The following MDC1 variants were observed in gnomAD, a reference collection of about 807,000 sequenced individuals.
The protein encoded by MDC1 is mediator of DNA damage checkpoint 1.
In MDC1, 81 loss-of-function variants were observed where a neutral mutation model predicts 142.5. The observed-to-expected ratio is 0.57, with a 90% confidence interval of 0.47 to 0.68. MDC1 has a LOEUF of 0.68. Among genes scored for constraint, MDC1 ranks in the 30% least tolerant of loss-of-function variants. The pLI is 0.00. For missense variants in MDC1, 2,119 were observed against 2,547.9 expected (o/e 0.83, Z 3.62); for synonymous variants, 797 against 968.4 (o/e 0.82, Z 3.29).
chr6:30,702,156 G>A (rs1224552308), intron 14 of MDC1, among the ~76,000 whole-genome samples: 2 of 150,786 alleles, frequency 1.3e-5, no homozygotes, highest in Non-Finnish European at 1.5e-5. Flanking sequence ...CCAGCTACTC[G>A]GGAGGCTGAG....
intron 1 of MDC1, chr6:30,717,005 C>CTTTGAATTGGAGCCAAG: frequency 1.4e-6 from 1 of 733,802 alleles, no homozygotes; most frequent in Non-Finnish European, 1.7e-6. Flanking sequence ...ACGCTTGGCT[C>CTTTGAATTGGAGCCAAG]CAATTCAAAG....
rs1459774469 is a variant in MDC1 at position 30,713,701 on chromosome 6, C to T, written c.534G>A (p.Arg178=). 6.2e-7 allele frequency: 1 copy of T among 1,614,026 alleles called. No individual in the cohort carries two copies. Among genetic ancestry groups the T allele is most frequent in the East Asian group, 2.2e-5 (1 of 44,898 alleles). ...TGGTCCTTGATTTTTTTACCATACG[C>T]CTTTCAGAAAGAAAATCTGTCAAGA... The part of the protein sequence containing the change: ...SEEEVDFLSE[R]RMVKKSRTTS... Residue 178 remains arginine (R), a synonymous_variant, in exon 4 of 15, where the codon AGG becomes AGA. Coordinates refer to ENST00000376406, the MANE Select transcript of MDC1 (RefSeq NM_014641.3). The surrounding 1 kb of genome is among the most constrained non-coding windows in gnomAD (Gnocchi z 4.9).
intron 14 of MDC1, among the ~76,000 whole-genome samples, chr6:30,701,554 G>A (rs1457662199): frequency 1.3e-5 from 2 of 152,158 alleles, no homozygotes; most frequent in East Asian, 3.8e-4. Context: ...ACATTCTAAA[G>A]GACAAGTGAC....
chr6:30,702,352 C>T (rs974626664), intron 14 of MDC1, among the ~76,000 whole-genome samples: 2 of 151,354 alleles, frequency 1.3e-5, no homozygotes, highest in African/African-American at 2.4e-5. Context: ...TGCTGAATCT[C>T]GGTGATTGTT....
chr6:30,708,509 T>A (rs114498634), intron 7 of MDC1, 152 bp from the exon 8 acceptor site: 12,042 of 676,104 alleles, frequency 0.018, 206 homozygotes, highest in South Asian at 0.052. Context: ...TTATTAAAGG[T>A]AAGCTGGGAA....
Position 30,712,200 on chromosome 6 carries a change from G to GC in MDC1, c.1741dup (p.Ala581GlyfsTer36). ...GGCTGTTAGGGAGGTGCCCTCCTCT[G>GC]CATCTGTTTCACAGTCCCCATGCAG... On this transcript the variant is annotated frameshift_variant, in exon 5 of 15. Coordinates refer to ENST00000376406, the MANE Select transcript of MDC1 (RefSeq NM_014641.3). LOFTEE classifies it high-confidence loss of function. The surrounding 1 kb of genome is among the most constrained non-coding windows in gnomAD (Gnocchi z 4.7). 6.2e-7 allele frequency: 1 copy of GC among 1,612,868 alleles called. No individual in the cohort carries two copies. Among genetic ancestry groups the GC allele is most frequent in the Non-Finnish European group, 8.5e-7 (1 of 1,179,976 alleles).
chr6:30,706,620 TAAAA>T (rs9278748), intron 9 of MDC1, among the ~76,000 whole-genome samples: 2 of 42,782 alleles, frequency 4.7e-5, no homozygotes, highest in African/African-American at 2.2e-4. Flanking sequence ...AGACTCTGTC[TAAAA>T]AAAAAAAAAA....
intron 7 of MDC1, among the ~76,000 whole-genome samples, chr6:30,710,224 G>A (rs1246569193): frequency 6.6e-6 from 1 of 152,036 alleles, no homozygotes; most frequent in African/African-American, 2.4e-5. Flanking sequence ...GAGTAGCTGG[G>A]ACTACAGGCA....
rs991344607 is a variant in MDC1, at chr6:30,715,160, C to G, written c.16G>C (p.Ala6Pro). The stretch of plus-strand genomic sequence containing the variant: ...TCTTCTTCAACATCCCAGTCAATAG[C>G]CTGGGTGTCCTCCATGATCTGGGAA... Reference protein sequence around the residue: MEDTQAIDWDVEEEEE... With the variant: MEDTQPIDWDVEEEEE... Residue 6 changes from alanine (A) to proline (P), a missense_variant, in exon 2 of 15, where the codon GCT becomes CCT. By Grantham distance (27) the Ala-to-Pro change is conservative. Transcript: ENST00000376406. The surrounding 1 kb of genome is among the most constrained non-coding windows in gnomAD (Gnocchi z 4.1). 2 of 1,613,978 alleles carry G rather than the reference C, an allele frequency of 1.2e-6. No homozygotes were observed. The highest frequency in any genetic ancestry group is 1.7e-5 in the Admixed American group (1 of 59,994).
In MDC1 at chr6:30,699,883, C is replaced by A. The variant is rs1452260242; in HGVS notation, c.*582G>T. 4.5e-6 allele frequency: 1 copy of A among 222,086 alleles called. No homozygotes were observed. The highest frequency in any genetic ancestry group is 5.8e-5 in the Admixed American group (1 of 17,322). 13.8% of individuals were successfully genotyped at this position (222,086 alleles called of 1,614,324 possible). On this transcript the variant is annotated 3_prime_UTR_variant, in exon 15 of 15. Coordinates refer to ENST00000376406, the MANE Select transcript of MDC1 (RefSeq NM_014641.3). ...ATTTTATAAATCCTGGAAAAGCTGG[C>A]CAGAAAAGTACAGAGACTTGCCCAA...
chr6:30,707,948 A>AT lies in MDC1; in HGVS notation c.2630dup (p.Asn877LysfsTer8). On this transcript the variant is annotated frameshift_variant, in exon 8 of 15. Coordinates refer to ENST00000376406, the MANE Select transcript of MDC1 (RefSeq NM_014641.3). LOFTEE classifies it high-confidence loss of function. ...CTCTTTCAGGACTTGCACTTTCCCC[A>AT]TTTTTGTCAGATTCTTGTCTCTGGG... 1 of 1,612,586 alleles carries AT rather than the reference A, an allele frequency of 6.2e-7. No individual in the cohort carries two copies.
intron 7 of MDC1, among the ~76,000 whole-genome samples, chr6:30,710,816 G>GTGGGGGTTGAGGGATGGGCTAT (rs1366129509): frequency 1.3e-5 from 2 of 152,114 alleles, no homozygotes; most frequent in Non-Finnish European, 2.9e-5. Context: ...GACATTGGGG[G>GTGGGGGTTGAGGGATGGGCTAT]TGGGGGTTGA....
At chr6:30,707,228 C>T (rs1040724003) in intron 9 of MDC1, among the ~76,000 whole-genome samples, 156 bp downstream of exon 9, 3 of 151,644 alleles carry the variant, frequency 2.0e-5, no homozygotes, top group Non-Finnish European at 4.4e-5. Context: ...CAACGGGTGC[C>T]GAGGATAAAG....
At chr6:30,702,194 C>T (rs1385408503) in intron 14 of MDC1, among the ~76,000 whole-genome samples, 8 of 121,736 alleles carry the variant, frequency 6.6e-5, no homozygotes, top group East Asian at 5.4e-4. Context: ...ACCCAGGAGG[C>T]GGAGATTGTA....
chr6:30,704,099 G>C lies in MDC1; in HGVS notation c.5084C>G (p.Pro1695Arg). The C allele has an allele frequency of 6.2e-7, 1 of 1,614,186 alleles. No homozygotes were observed. The highest frequency in any genetic ancestry group is 8.5e-7 in the Non-Finnish European group (1 of 1,180,032). ...RSSTVRAMPV[P>R]TTPEFQSPVT... ...AGGAGATTGGAATTCAGGGGTGGTA[G>C]GAACCGGCATAGCTCTTACTGTGGA... Residue 1695 changes from proline (P) to arginine (R), a missense_variant, in exon 10 of 15, where the codon CCT becomes CGT. Transcript: ENST00000376406.
At chr6:30,701,464 A>G (rs1377210596) in intron 14 of MDC1, among the ~76,000 whole-genome samples, 1 of 152,184 alleles carries the variant, frequency 6.6e-6, no homozygotes, top group Non-Finnish European at 1.5e-5. Flanking sequence ...AATTATCTGC[A>G]ATTTCCAGGA....
At chr6:30,708,848 T>G (rs1581588745) in intron 7 of MDC1, among the ~76,000 whole-genome samples, 1 of 120,602 alleles carries the variant, frequency 8.3e-6, no homozygotes, top group Admixed American at 9.1e-5. Context: ...TGACAGAGAC[T>G]CTGTCTCAAA....
chr6:30,709,649 C>T lies in MDC1; in HGVS notation c.2222-1292G>A, dbSNP rs575422747. Among the ~76,000 whole-genome samples, 2 of 152,274 alleles carry T rather than the reference C, an allele frequency of 1.3e-5. No individual in the cohort carries two copies. The highest frequency in any genetic ancestry group is 4.1e-4 in the South Asian group (2 of 4,828). On this transcript the variant is annotated intron_variant, in intron 7 of 14. Transcript: ENST00000376406. This position sits in a 1 kb window ranked among gnomAD's most constrained non-coding sequence, Gnocchi z 4.2. ...TGGATTTTTGTATTCATTAACCAAC[C>T]TCTTTATGCATTCTGTCCCTCTACC...
Position 30,713,174 on chromosome 6 carries a change from G to A in MDC1, c.768C>T (p.Ile256=). 1 of 1,613,012 alleles carries A rather than the reference G, an allele frequency of 6.2e-7. No homozygotes were observed. Among genetic ancestry groups the A allele is most frequent in the South Asian group, 1.1e-5 (1 of 91,078 alleles). Residue 256 remains isoleucine (I), a synonymous_variant, in exon 5 of 15, where the codon ATC becomes ATT. Coordinates refer to ENST00000376406, the MANE Select transcript of MDC1 (RefSeq NM_014641.3). The surrounding 1 kb of genome is among the most constrained non-coding windows in gnomAD (Gnocchi z 4.9). Reference sequence around the variant, plus strand: ...CTAAAGGCTGATCCTTTTCAAGCTGGATTTCAGTTACAACTTCAGCTTCAG... The same window carrying A: ...CTAAAGGCTGATCCTTTTCAAGCTGAATTTCAGTTACAACTTCAGCTTCAG... ...KQSEAEVVTE[I]QLEKDQPLVK... is the part of the protein sequence containing the mutation.
Sources: allele counts gnomAD v4.1 joint callset (sites outside exome capture counted in the v4.1 genomes callset), GRCh38; gene constraint gnomAD v4.1.1; non-coding constraint Gnocchi (gnomAD v3.1); transcripts MANE v1.5; gene names NCBI Gene and HGNC (gene_info 2026-07-23, HGNC 2026-07-21).